STXBP4: variants seen among roughly 807,000 people sequenced by gnomAD.
STXBP4 encodes the protein syntaxin binding protein 4.
Under a neutral mutation model 76.1 loss-of-function variants are expected in STXBP4, and 55 were observed. That is an observed-to-expected ratio of 0.72 (90% CI 0.58 to 0.91). The LOEUF is 0.91. STXBP4 is among the 40% of genes least tolerant of loss of function. The pLI is 0.00. For missense variants in STXBP4, 618 were observed against 636.9 expected (o/e 0.97, Z 0.32); for synonymous variants, 201 against 220.2 (o/e 0.91, Z 0.77).
chr17:55,022,808 G>T (rs1304808594), intron 8 of STXBP4, among the ~76,000 whole-genome samples: 1 of 152,174 alleles, frequency 6.6e-6, no homozygotes, highest in Non-Finnish European at 1.5e-5. Context: ...CTGGCATCAT[G>T]TGATCAAGGG....
chr17:55,123,129 G>T (rs566018317), intron 16 of STXBP4, among the ~76,000 whole-genome samples: 3 of 152,126 alleles, frequency 2.0e-5, no homozygotes, highest in Admixed American at 2.0e-4. Flanking sequence ...AACTTGATTT[G>T]CCCAGAGAAC....
At chr17:54,977,842 A>T (rs1235975955) in intron 1 of STXBP4, among the ~76,000 whole-genome samples, 1 of 152,210 alleles carries the variant, frequency 6.6e-6, no homozygotes, top group African/African-American at 2.4e-5. Context: ...TTATAGGAAG[A>T]AATATTTACA....
rs1282988126 is a variant in STXBP4 at position 54,999,989 on chromosome 17, T to G, written c.498+147T>G. The G allele has an allele frequency of 5.1e-6, 4 of 777,604 alleles. No homozygotes were observed. In the East Asian group the frequency reaches 8.3e-5, roughly 16 times the overall value. The allele number at this position is 777,604 out of a possible 1,614,324, so 48.2% of individuals were successfully genotyped here. On this transcript the variant is annotated intron_variant, in intron 6 of 17. Coordinates refer to ENST00000376352, the MANE Select transcript of STXBP4 (RefSeq NM_178509.6). Reference sequence around the variant, plus strand: ...TGAAAGATTTTTTTCTATTTAAAATTTTTATGCTGTGTTTTCAATAAACAT... The same window carrying G: ...TGAAAGATTTTTTTCTATTTAAAATGTTTATGCTGTGTTTTCAATAAACAT...
At chr17:55,061,605 C>G (rs539687832) in intron 12 of STXBP4, among the ~76,000 whole-genome samples, 68 of 152,246 alleles carry the variant, frequency 4.5e-4, no homozygotes, top group Non-Finnish European at 8.8e-4. Flanking sequence ...TACTCAGATC[C>G]CTCATGCTAT....
intron 17 of STXBP4, among the ~76,000 whole-genome samples, chr17:55,157,882 A>G (rs570844023): frequency 1.3e-5 from 2 of 152,208 alleles, no homozygotes; most frequent in Non-Finnish European, 2.9e-5. Context: ...ATTGTGTTCT[A>G]TGGAACACTG....
intron 10 of STXBP4, among the ~76,000 whole-genome samples, chr17:55,034,943 T>C (rs919448601): frequency 1.3e-5 from 2 of 152,060 alleles, no homozygotes; most frequent in African/African-American, 4.8e-5. Flanking sequence ...GGATTTTTGG[T>C]AGTTTTATCC....
rs61454264 is a variant in STXBP4, at chr17:55,023,916, CAAAAAAAA to C, written c.667-7235_667-7228del. Among the ~76,000 whole-genome samples the C allele has an allele frequency of 2.9e-4, 18 of 62,232 alleles. 1 individual carries two copies. Among genetic ancestry groups the C allele is most frequent in the East Asian group, 4.8e-4 (1 of 2,082 alleles). The allele number at this position is 62,232 out of a possible 152,430, so 40.8% of individuals were successfully genotyped here. ...TCTGCAAGGGCTGGTGGCCCTTTTC[CAAAAAAAA>C]AAAAAAAAAAAAAAAAGAAAACACT... On this transcript the variant is annotated intron_variant, in intron 8 of 17. Transcript: ENST00000376352.
At chr17:55,081,755 T>G (rs991672333) in intron 16 of STXBP4, among the ~76,000 whole-genome samples, 2 of 152,134 alleles carry the variant, frequency 1.3e-5, no homozygotes, top group Non-Finnish European at 2.9e-5. Context: ...TATCCTCCTA[T>G]GCTGGAGCCA....
chr17:55,153,017 A>G (rs1200461581), intron 17 of STXBP4, among the ~76,000 whole-genome samples: 2 of 152,164 alleles, frequency 1.3e-5, no homozygotes, highest in Non-Finnish European at 2.9e-5. Context: ...GGAGTTTAAT[A>G]TAATGGTTAA....
At chr17:55,103,123 TC>T (rs2079586600) in intron 16 of STXBP4, among the ~76,000 whole-genome samples, 1 of 152,208 alleles carries the variant, frequency 6.6e-6, no homozygotes, top group African/African-American at 2.4e-5. Flanking sequence ...GTGCAGAAGC[TC>T]TTTAGTTTAA....
chr17:55,209,432 G>A, the STXBP4 span, among the ~76,000 whole-genome samples: 1 of 152,176 alleles, frequency 6.6e-6, no homozygotes, highest in Non-Finnish European at 1.5e-5. Flanking sequence ...CCTCAGCTGG[G>A]AGGAGCTGGG....
At chr17:55,205,124 G>A in the STXBP4 span, among the ~76,000 whole-genome samples, 1 of 152,076 alleles carries the variant, frequency 6.6e-6, no homozygotes, top group African/African-American at 2.4e-5. Context: ...GTAAATGCAA[G>A]AGAATAGCCA....
chr17:55,056,802 T>C (rs760323937), intron 12 of STXBP4, among the ~76,000 whole-genome samples: 2 of 152,114 alleles, frequency 1.3e-5, no homozygotes, highest in Non-Finnish European at 2.9e-5. Context: ...AGCCCAGCAG[T>C]TCCATTCCAG....
Position 55,004,634 on chromosome 17 carries a change from G to A in STXBP4, c.575-2872G>A, listed in dbSNP as rs1370470455. 2.9e-4 allele frequency among the ~76,000 whole-genome samples: 44 copies of A among 151,964 alleles called. 1 individual carries two copies. Among genetic ancestry groups the A allele is most frequent in the Non-Finnish European group, 2.9e-5 (2 of 68,006 alleles). On this transcript the variant is annotated intron_variant, in intron 7 of 17. Coordinates refer to ENST00000376352, the MANE Select transcript of STXBP4 (RefSeq NM_178509.6). ...GAGGATCGCTTGAGCCCAGGAGGTCGAGGTTGCAGTGAGCTGTGTTTAGGC... is the reference window on the plus strand; with the variant it reads ...GAGGATCGCTTGAGCCCAGGAGGTCAAGGTTGCAGTGAGCTGTGTTTAGGC...
At chr17:55,157,909 C>T (rs868062739) in intron 17 of STXBP4, among the ~76,000 whole-genome samples, 10 of 152,264 alleles carry the variant, frequency 6.6e-5, no homozygotes, top group Middle Eastern at 3.4e-3. Flanking sequence ...TGTTTGTTAA[C>T]GGAGATATGT....
chr17:55,044,838 C>T (rs80120723), intron 11 of STXBP4: 1 of 151,194 alleles, frequency 6.6e-6, no homozygotes, highest in Non-Finnish European at 1.5e-5. Context: ...TTTTTTTTTA[C>T]AACTTGCCTT....
intron 11 of STXBP4, 25 bp downstream of exon 11, chr17:55,043,350 T>C (rs376450019): frequency 4.9e-5 from 65 of 1,320,310 alleles, no homozygotes; most frequent in Non-Finnish European, 6.5e-5. Flanking sequence ...AGTTTCCTTA[T>C]GTTTTCTTCA....
rs1162143864 is a variant in STXBP4 at position 55,169,566 on chromosome 17, A to G, written c.*9655A>G. The G allele has an allele frequency of 2.6e-5, 4 of 152,204 alleles. No homozygotes were observed. Among genetic ancestry groups the G allele is most frequent in the Non-Finnish European group, 4.4e-5 (3 of 68,032 alleles). 9.4% of individuals were successfully genotyped at this position (152,204 alleles called of 1,614,324 possible). ...AGCAGTGCCTATTATACATCCAAAT[A>G]CTAAAGACGCTTAGATGTGAAAAAT... On this transcript the variant is annotated 3_prime_UTR_variant, in exon 18 of 18. Transcript: ENST00000376352.
the STXBP4 span, among the ~76,000 whole-genome samples, chr17:55,179,372 G>T: frequency 6.6e-6 from 1 of 152,106 alleles, no homozygotes; most frequent in East Asian, 1.9e-4. Context: ...CTTCAGACTA[G>T]ACCTGTGAGT....
Sources: allele counts gnomAD v4.1 joint callset (sites outside exome capture counted in the v4.1 genomes callset), GRCh38; gene constraint gnomAD v4.1.1; transcripts MANE v1.5; gene names NCBI Gene and HGNC (gene_info 2026-07-23, HGNC 2026-07-21).